Variants in PREX1 observed in about 807,000 individuals in gnomAD.
PREX1 encodes phosphatidylinositol-3,4,5-trisphosphate dependent Rac exchange factor 1.
Under a neutral mutation model 198.3 loss-of-function variants are expected in PREX1, and 41 were observed. That is an observed-to-expected ratio of 0.21 (90% CI 0.16 to 0.27). The LOEUF is 0.27. PREX1 is among the 10% of genes least tolerant of loss of function. The probability of loss-of-function intolerance (pLI) is 1.00; values close to 1 mark genes in which losing one functional copy is unlikely to be tolerated. For missense variants in PREX1, 1,620 were observed against 2,200.7 expected (o/e 0.74, Z 5.28); for synonymous variants, 843 against 887.2 (o/e 0.95, Z 0.89).
At chr20:48,880,086 A>C in the PREX1 span, among the ~76,000 whole-genome samples, 1 of 152,240 alleles carries the variant, frequency 6.6e-6, no homozygotes, top group Non-Finnish European at 1.5e-5. Context: ...GTGAATCACA[A>C]GACACAGTTT....
At chr20:48,734,507 C>CGAGTGCAAGG in intron 4 of PREX1, 39 bp downstream of exon 4, 1 of 1,554,840 alleles carries the variant, frequency 6.4e-7, no homozygotes, top group Non-Finnish European at 8.9e-7. Context: ...AGGATGAGGC[C>CGAGTGCAAGG]GAGTGCAAGG....
intron 1 of PREX1, among the ~76,000 whole-genome samples, chr20:48,753,141 C>T (rs1418468228): frequency 6.6e-6 from 1 of 152,116 alleles, no homozygotes; most frequent in Non-Finnish European, 1.5e-5. Flanking sequence ...GAGCTCTAGA[C>T]TGAGCAGGAA....
intron 1 of PREX1, among the ~76,000 whole-genome samples, chr20:48,752,714 C>T (rs1379138348): frequency 1.3e-5 from 2 of 152,150 alleles, no homozygotes; most frequent in Non-Finnish European, 2.9e-5. Flanking sequence ...CTCCTCCCTG[C>T]CTCACTCCCC....
intron 36 of PREX1, among the ~76,000 whole-genome samples, chr20:48,630,195 G>T (rs2122809044): frequency 6.6e-6 from 1 of 152,294 alleles, no homozygotes; most frequent in African/African-American, 2.4e-5. Flanking sequence ...AAACCAGGAG[G>T]CCAAAAGACA....
At position 48,827,620 on chromosome 20, in the gene PREX1, C is replaced by G; in HGVS notation, c.219+22G>C. On this transcript the variant is annotated intron_variant, in intron 1 of 39. Transcript: ENST00000371941. This position sits in a 1 kb window ranked among gnomAD's most constrained non-coding sequence, Gnocchi z 4.1. ...GAGCGGCTGGAGGGAAAGCTGTCCC[C>G]AAGCTCCCGAGCGACACTCACCGAC... 1 of 1,271,652 alleles carries G rather than the reference C, an allele frequency of 7.9e-7. No homozygotes were observed. Among genetic ancestry groups the G allele is most frequent in the Non-Finnish European group, 1.0e-6 (1 of 997,032 alleles). 78.8% of individuals were successfully genotyped at this position (1,271,652 alleles called of 1,614,324 possible). A position where few individuals can be genotyped will look rare whatever the true frequency, so the allele number is the denominator to read the frequency against.
chr20:48,650,839 T>G, intron 23 of PREX1, 55 bp downstream of exon 23: 209 of 1,569,914 alleles, frequency 1.3e-4, no homozygotes, highest in Non-Finnish European at 1.7e-4. Context: ...TATCCCAGGC[T>G]GAGATGCTAT....
At chr20:48,707,147 C>CA (rs941356950) in intron 6 of PREX1, among the ~76,000 whole-genome samples, 5 of 152,226 alleles carry the variant, frequency 3.3e-5, no homozygotes, top group Non-Finnish European at 7.3e-5. Flanking sequence ...CACGGAAAGC[C>CA]AAACACAACC....
chr20:48,724,195 G>A (rs758183900), intron 5 of PREX1, among the ~76,000 whole-genome samples: 17 of 152,164 alleles, frequency 1.1e-4, no homozygotes, highest in Non-Finnish European at 1.6e-4. Flanking sequence ...CAGAATGCCC[G>A]GGTTCTAATC....
At position 48,679,374 on chromosome 20, in the gene PREX1, G is replaced by A. The variant is rs372588454; in HGVS notation, c.1575C>T (p.Tyr525=). ...GAGTAACTTACTTGATCACCGGGGT[G>A]TAGAGGCTGTGAAGACGGCAGTAAA... ...VRLYCRLHSL[Y]TPVIKDRDYH... is the part of the protein sequence containing the mutation. Residue 525 remains tyrosine, a synonymous_variant, in exon 13 of 40, where the codon TAC becomes TAT. Coordinates refer to ENST00000371941, the MANE Select transcript of PREX1 (RefSeq NM_020820.4). 5.1e-5 allele frequency: 82 copies of A among 1,613,306 alleles called. No individual in the cohort carries two copies. The highest frequency in any genetic ancestry group is 6.7e-5 in the African/African-American group (5 of 74,924).
At chr20:48,853,851 G>A in the PREX1 span, among the ~76,000 whole-genome samples, 1 of 152,266 alleles carries the variant, frequency 6.6e-6, no homozygotes, top group Non-Finnish European at 1.5e-5. Flanking sequence ...AGTCCTGGCT[G>A]CCCTGCAGAC....
rs143295170 is a variant in PREX1 at position 48,650,995 on chromosome 20, C to A, written c.2716G>T (p.Ala906Ser). The A allele has an allele frequency of 8.9e-5, 144 of 1,614,062 alleles. No homozygotes were observed. The highest frequency in any genetic ancestry group is 1.2e-4 in the Non-Finnish European group (139 of 1,180,038). ...VFVENCRRLMALSSAIVTMPH... is the reference protein window; with the variant it reads ...VFVENCRRLMSLSSAIVTMPH... ...ATGGTCACGATGGCGCTGCTCAGGG[C>A]CATGAGCCGCCTGCAGTTCTCCACG... The change falls in exon 23 of 40, where the codon GCC becomes TCC. Residue 906 changes from alanine (A) to serine (S), a missense_variant. Coordinates refer to ENST00000371941, the MANE Select transcript of PREX1 (RefSeq NM_020820.4).
Position 48,726,299 on chromosome 20 carries a change from G to A in PREX1, c.612C>T (p.Leu204=), listed in dbSNP as rs776505110. 3.7e-6 allele frequency: 6 copies of A among 1,613,392 alleles called. No individual in the cohort carries two copies. Among genetic ancestry groups the A allele is most frequent in the South Asian group, 1.1e-5 (1 of 90,892 alleles). ...TACGGGAAAGTCTCACCTTAAGGAG[G>A]AGCGGGTACTTGCAGATCCTCTGGA... ...SPIQRICKYP[L]LLKELAKRTP... is the part of the protein sequence containing the mutation. Residue 204 remains leucine, a synonymous_variant, in exon 5 of 40, where the codon CTC becomes CTT. Transcript: ENST00000371941.
chr20:48,651,076 A>G, intron 22 of PREX1, 21 bp from the exon 23 acceptor site: 2 of 1,612,758 alleles, frequency 1.2e-6, no homozygotes, highest in Non-Finnish European at 1.7e-6. Flanking sequence ...GTCAACAGCT[A>G]CTGAGCATTC....
chr20:48,842,599 T>G, the PREX1 span, among the ~76,000 whole-genome samples: 1 of 151,416 alleles, frequency 6.6e-6, no homozygotes, highest in Non-Finnish European at 1.5e-5. Context: ...AGCAAGACAC[T>G]GTCTCAAAAT....
chr20:48,837,821 A>G, the PREX1 span, among the ~76,000 whole-genome samples: 6 of 152,170 alleles, frequency 3.9e-5, no homozygotes, highest in East Asian at 9.6e-4. Flanking sequence ...AACCTAAAAT[A>G]AAAGTTTAAT....
chr20:48,646,372 T>C (rs1321087408), intron 25 of PREX1, among the ~76,000 whole-genome samples: 2 of 152,182 alleles, frequency 1.3e-5, no homozygotes, highest in Non-Finnish European at 2.9e-5. Flanking sequence ...TGTGTTCCAA[T>C]GACACCTTGT....
chr20:48,747,774 T>C (rs750323744), intron 2 of PREX1, 35 bp downstream of exon 2: 1 of 1,578,756 alleles, frequency 6.3e-7, no homozygotes, highest in Non-Finnish European at 8.7e-7. Flanking sequence ...GCAACACAGA[T>C]GCTCTAGAAC....
intron 1 of PREX1, among the ~76,000 whole-genome samples, chr20:48,771,253 C>T (rs769842289): frequency 2.6e-5 from 4 of 151,048 alleles, no homozygotes; most frequent in East Asian, 1.9e-4. Context: ...TTTCCCTATC[C>T]GACCTTTAGG....
intron 37 of PREX1, 98 bp downstream of exon 37, chr20:48,629,351 G>A (rs2089296123): frequency 1.4e-6 from 2 of 1,464,788 alleles, no homozygotes; most frequent in African/African-American, 1.4e-5. Flanking sequence ...AACCAGGATT[G>A]GAACCCAGCC....
Sources: gnomAD v4.1 joint callset for allele counts (sites outside exome capture counted in the v4.1 genomes callset) on GRCh38, gnomAD v4.1.1 for gene constraint, Gnocchi (gnomAD v3.1) non-coding constraint, MANE v1.5 for transcripts, NCBI Gene and HGNC (gene_info 2026-07-23, HGNC 2026-07-21) for gene names.